Variants in LSAMP observed in about 807,000 individuals in gnomAD.
The protein encoded by LSAMP is limbic system-associated membrane protein.
Under a neutral mutation model 38.6 loss-of-function variants are expected in LSAMP, and 7 were observed. The ratio of observed to expected loss-of-function variants is 0.18; its 90% CI spans 0.10 to 0.34. LSAMP has a LOEUF of 0.34. Ranked by LOEUF, LSAMP falls within the 10% of genes least tolerant of loss-of-function variation. The pLI is 1.00. For synonymous variants in LSAMP, 154 were observed against 166.8 expected, an observed-to-expected ratio of 0.92 and a Z score of 0.59; for missense variants, 313 against 420.0, an observed-to-expected ratio of 0.75 and a Z score of 2.23.
chr3:116,276,189 T>G (rs1016028705), intron 1 of LSAMP, among the ~76,000 whole-genome samples: 1 of 152,080 alleles, frequency 6.6e-6, no homozygotes, highest in African/African-American at 2.4e-5. Flanking sequence ...GAGAATGACC[T>G]TTAAGTAGTA....
At chr3:115,864,313 C>G (rs976236045) in intron 3 of LSAMP, among the ~76,000 whole-genome samples, 11 of 152,156 alleles carry the variant, frequency 7.2e-5, no homozygotes, top group Admixed American at 6.5e-4. Flanking sequence ...CACTCCAGTT[C>G]CCAGCTGGGA....
At chr3:115,941,073 A>G (rs1937903329) in intron 3 of LSAMP, among the ~76,000 whole-genome samples, 1 of 152,188 alleles carries the variant, frequency 6.6e-6, no homozygotes, top group Non-Finnish European at 1.5e-5. Flanking sequence ...AGGAACTCAT[A>G]CAACTCAATA....
intron 1 of LSAMP, among the ~76,000 whole-genome samples, chr3:116,418,759 A>G (rs2049084415): frequency 1.3e-5 from 2 of 152,346 alleles, no homozygotes; most frequent in African/African-American, 4.8e-5. Context: ...TCATGTAGAC[A>G]GATAGATAAA....
intron 3 of LSAMP, among the ~76,000 whole-genome samples, chr3:116,004,361 A>G (rs561900718): frequency 6.5e-4 from 99 of 152,126 alleles, no homozygotes; most frequent in Non-Finnish European, 1.3e-3. Flanking sequence ...AGTAATAAAA[A>G]TAATATCAAG....
chr3:116,255,744 A>G (rs979591726), intron 1 of LSAMP, among the ~76,000 whole-genome samples: 15 of 152,198 alleles, frequency 9.9e-5, no homozygotes, highest in African/African-American at 3.1e-4. Context: ...CTGAGCTTCT[A>G]TGACAATTAA....
chr3:116,375,644 A>G, intron 1 of LSAMP, among the ~76,000 whole-genome samples: 1 of 151,870 alleles, frequency 6.6e-6, no homozygotes, highest in East Asian at 1.9e-4. Flanking sequence ...TAGTAACTAC[A>G]GTGCTCAATG....
intron 3 of LSAMP, among the ~76,000 whole-genome samples, chr3:115,954,502 A>G (rs1354626471): frequency 6.6e-6 from 1 of 152,222 alleles, no homozygotes; most frequent in Non-Finnish European, 1.5e-5. Flanking sequence ...TGAAATGGAC[A>G]TGGCAAATGG....
At chr3:116,212,174 G>A (rs938034288) in intron 1 of LSAMP, among the ~76,000 whole-genome samples, 1 of 152,168 alleles carries the variant, frequency 6.6e-6, no homozygotes, top group Non-Finnish European at 1.5e-5. Context: ...CATGTGTGGT[G>A]TGATATCAAA....
intron 1 of LSAMP, among the ~76,000 whole-genome samples, chr3:116,397,843 T>C (rs1418082024): frequency 1.3e-5 from 2 of 152,088 alleles, no homozygotes; most frequent in Admixed American, 6.5e-5. Context: ...TAGGCCAAGC[T>C]CAAGCCATTG....
chr3:115,912,407 T>A (rs1576211782), intron 3 of LSAMP, among the ~76,000 whole-genome samples: 1 of 152,174 alleles, frequency 6.6e-6, no homozygotes, highest in Non-Finnish European at 1.5e-5. Context: ...CCAACCCCAC[T>A]GGGAGGAGGA....
chr3:116,384,264 A>G (rs2048598298), intron 1 of LSAMP, among the ~76,000 whole-genome samples: 1 of 152,118 alleles, frequency 6.6e-6, no homozygotes, highest in African/African-American at 2.4e-5. Flanking sequence ...GGATGAGGTT[A>G]CCTCTTTATT....
At chr3:116,026,323 A>C (rs1386541042) in intron 2 of LSAMP, among the ~76,000 whole-genome samples, 1 of 152,158 alleles carries the variant, frequency 6.6e-6, no homozygotes, top group Non-Finnish European at 1.5e-5. Flanking sequence ...TTACGGACCC[A>C]GAGTTGACTG....
At chr3:116,425,205 A>G (rs543709268) in intron 1 of LSAMP, among the ~76,000 whole-genome samples, 2 of 152,338 alleles carry the variant, frequency 1.3e-5, no homozygotes, top group East Asian at 1.9e-4. Flanking sequence ...TAGTGAGGTT[A>G]TATGCTCACC....
chr3:116,390,774 G>A (rs558490363), intron 1 of LSAMP, among the ~76,000 whole-genome samples: 21 of 147,274 alleles, frequency 1.4e-4, no homozygotes, highest in African/African-American at 3.5e-4. Flanking sequence ...GGCAAGGAAC[G>A]TGCTTACAGT....
intron 3 of LSAMP, among the ~76,000 whole-genome samples, chr3:115,997,426 T>C (rs1219454424): frequency 6.6e-6 from 1 of 151,612 alleles, no homozygotes; most frequent in Non-Finnish European, 1.5e-5. Flanking sequence ...AACAGCACAA[T>C]GGGAAAAGAG....
chr3:115,963,345 A>G (rs1938691660), intron 3 of LSAMP, among the ~76,000 whole-genome samples: 2 of 152,362 alleles, frequency 1.3e-5, no homozygotes, highest in African/African-American at 2.4e-5. Context: ...TTGCCTTCAC[A>G]TGCTTATTTA....
intron 3 of LSAMP, among the ~76,000 whole-genome samples, chr3:115,957,986 G>A (rs1938504247): frequency 6.6e-6 from 1 of 152,062 alleles, no homozygotes; most frequent in Admixed American, 6.6e-5. Flanking sequence ...CCAAATGAAA[G>A]GGGATATAAA....
intron 1 of LSAMP, among the ~76,000 whole-genome samples, chr3:116,305,818 A>G (rs558010684): frequency 1.5e-4 from 23 of 152,142 alleles, no homozygotes; most frequent in Non-Finnish European, 3.1e-4. Flanking sequence ...CTATATTACA[A>G]TAGATTGAAG....
At chr3:115,982,362 C>T (rs1228316984) in intron 3 of LSAMP, among the ~76,000 whole-genome samples, 1 of 152,188 alleles carries the variant, frequency 6.6e-6, no homozygotes, top group African/African-American at 2.4e-5. Context: ...AGTTTAGTAA[C>T]AGCTTCCAAA....
Sources: gnomAD v4.1 joint callset for allele counts (sites outside exome capture counted in the v4.1 genomes callset) on GRCh38, gnomAD v4.1.1 for gene constraint, MANE v1.5 for transcripts, NCBI Gene and HGNC (gene_info 2026-07-23, HGNC 2026-07-21) for gene names.